The following BPIFB1 variants were observed in gnomAD, a reference collection of about 807,000 sequenced individuals.
The protein encoded by BPIFB1 is BPI fold-containing family B member 1.
In BPIFB1, 34 loss-of-function variants were observed where a neutral mutation model predicts 55.1. That is an observed-to-expected ratio of 0.62 (90% CI 0.47 to 0.82). The LOEUF (loss-of-function observed/expected upper bound fraction) is 0.82. BPIFB1 is among the 40% of genes least tolerant of loss of function. The pLI, the probability that BPIFB1 is intolerant of heterozygous loss-of-function variation, is 0.00. For missense variants in BPIFB1, 532 were observed against 593.1 expected (o/e 0.90, Z 1.07); for synonymous variants, 236 against 245.3 (o/e 0.96, Z 0.35).
At chr20:33,295,511 C>T (rs1194589005) in intron 6 of BPIFB1, among the ~76,000 whole-genome samples, 1 of 151,576 alleles carries the variant, frequency 6.6e-6, no homozygotes, top group Non-Finnish European at 1.5e-5. Context: ...GAGGATGAGG[C>T]AGGAGAATCA....
chr20:33,285,726 A>AG (rs1174703119), intron 1 of BPIFB1, among the ~76,000 whole-genome samples: 1 of 149,720 alleles, frequency 6.7e-6, no homozygotes, highest in African/African-American at 2.5e-5. Context: ...TCAAAAAAAA[A>AG]AAAAAAGAAA....
intron 13 of BPIFB1, among the ~76,000 whole-genome samples, chr20:33,305,605 C>T (rs1980998403): frequency 6.6e-6 from 1 of 152,154 alleles, no homozygotes; most frequent in South Asian, 2.1e-4. Context: ...GCATGAGCCA[C>T]CATGCCCGGT....
At chr20:33,291,362 G>C (rs1980467066) in intron 5 of BPIFB1, among the ~76,000 whole-genome samples, 1 of 152,192 alleles carries the variant, frequency 6.6e-6, no homozygotes, top group South Asian at 2.1e-4. Context: ...TGAAGGGGGA[G>C]GCCTAGAAAC....
In BPIFB1 at chr20:33,309,846, T is replaced by C; in HGVS notation, c.*79T>C. On this transcript the variant is annotated 3_prime_UTR_variant, in exon 16 of 16. Transcript: ENST00000253354. This position sits in a 1 kb window ranked among gnomAD's most constrained non-coding sequence, Gnocchi z 4.4. ...GTGAGCTCTATAGACCATCCCTCTC[T>C]GCAATCAATAAACACTTGCCTGTGA... is the stretch of plus-strand genomic sequence containing the variant. 7.6e-7 allele frequency: 1 copy of C among 1,315,338 alleles called. No homozygotes were observed. Among genetic ancestry groups the C allele is most frequent in the African/African-American group, 1.5e-5 (1 of 68,028 alleles). 81.5% of individuals were successfully genotyped at this position (1,315,338 alleles called of 1,614,324 possible).
chr20:33,291,613 A>T (rs1409386151), intron 5 of BPIFB1, among the ~76,000 whole-genome samples: 1 of 152,092 alleles, frequency 6.6e-6, no homozygotes, highest in East Asian at 1.9e-4. Flanking sequence ...GTGCCAAAAA[A>T]CATGGCGCCC....
At chr20:33,302,331 G>T in intron 9 of BPIFB1, 28 bp from the exon 10 acceptor site, 2 of 1,613,252 alleles carry the variant, frequency 1.2e-6, no homozygotes, top group South Asian at 2.2e-5. Flanking sequence ...CCCTCCAACT[G>T]ACCTTCTCTG....
At chr20:33,299,198 G>GAGGAC in intron 7 of BPIFB1, 1 of 456,594 alleles carries the variant, frequency 2.2e-6, no homozygotes, top group Non-Finnish European at 4.4e-6. Flanking sequence ...CCGCTGCCCC[G>GAGGAC]AGGACGGGCC....
chr20:33,304,384 T>G (rs1980951328), intron 12 of BPIFB1, among the ~76,000 whole-genome samples: 1 of 152,126 alleles, frequency 6.6e-6, no homozygotes, highest in Non-Finnish European at 1.5e-5. Context: ...CCAGAGTGAG[T>G]GCAGGGGCTG....
chr20:33,289,371 G>T (rs1453864451), intron 3 of BPIFB1, among the ~76,000 whole-genome samples: 3 of 127,576 alleles, frequency 2.4e-5, no homozygotes, highest in East Asian at 5.2e-4. Context: ...ACAAGAGTGA[G>T]ATTCTGTCTC....
intron 13 of BPIFB1, 150 bp downstream of exon 13, chr20:33,305,041 C>G: frequency 1.2e-6 from 1 of 823,192 alleles, no homozygotes. Context: ...TCCAACTTCC[C>G]TCGAGTGTTT....
Position 33,288,727 on chromosome 20 carries a change from G to C in BPIFB1, c.116-14G>C. ...CCCTCCTCCTGGGCCCTAATCCCTGGGGTCTGCCTCCAGAGCTGACACAGG... is the reference window on the plus strand; with the variant it reads ...CCCTCCTCCTGGGCCCTAATCCCTGCGGTCTGCCTCCAGAGCTGACACAGG... On this transcript the variant is annotated splice_polypyrimidine_tract_variant and intron_variant, in intron 2 of 15. Coordinates refer to ENST00000253354, the MANE Select transcript of BPIFB1 (RefSeq NM_033197.3). The C allele has an allele frequency of 6.2e-7, 1 of 1,611,894 alleles. No homozygotes were observed.
At position 33,286,238 on chromosome 20, in the gene BPIFB1, G is replaced by A. The variant is rs1325213020; in HGVS notation, c.115+50G>A. 5.9e-6 allele frequency: 9 copies of A among 1,525,736 alleles called. 1 individual carries two copies. Among genetic ancestry groups the A allele is most frequent in the Admixed American group, 3.4e-5 (2 of 59,074 alleles). 94.5% of individuals were successfully genotyped at this position (1,525,736 alleles called of 1,614,324 possible). On this transcript the variant is annotated intron_variant, in intron 2 of 15. Transcript: ENST00000253354. ...GCTGCCATAAGACAAGGGGGTAGGT[G>A]GAGCAGCTTCCCAAAGGAGGGAGAG...
At chr20:33,290,245 A>G (rs1372573273) in intron 4 of BPIFB1, among the ~76,000 whole-genome samples, 1 of 152,114 alleles carries the variant, frequency 6.6e-6, no homozygotes, top group African/African-American at 2.4e-5. Context: ...CTCTTGGGAG[A>G]AGATAAGGAC....
chr20:33,303,240 T>C (rs1333295132), intron 11 of BPIFB1, among the ~76,000 whole-genome samples, 166 bp downstream of exon 11: 1 of 152,144 alleles, frequency 6.6e-6, no homozygotes, highest in East Asian at 1.9e-4. Flanking sequence ...TGGGTCCAAT[T>C]CTAACCCTGT....
chr20:33,307,210 G>A (rs1055055196), intron 15 of BPIFB1: 3 of 523,210 alleles, frequency 5.7e-6, no homozygotes, highest in African/African-American at 1.9e-5. Flanking sequence ...CCACCCCCTT[G>A]TCATTCATTC....
intron 2 of BPIFB1, among the ~76,000 whole-genome samples, chr20:33,286,835 C>A (rs1000663855): frequency 6.6e-6 from 1 of 152,204 alleles, no homozygotes; most frequent in Non-Finnish European, 1.5e-5. Flanking sequence ...ACTGTGACAA[C>A]CAAAAAGGTC....
At chr20:33,300,365 G>A (rs1980806680) in intron 8 of BPIFB1, among the ~76,000 whole-genome samples, 1 of 152,298 alleles carries the variant, frequency 6.6e-6, no homozygotes, top group East Asian at 1.9e-4. Flanking sequence ...GTGACTTTGG[G>A]CAAGTTCCTT....
chr20:33,301,340 T>G lies in BPIFB1; in HGVS notation c.855T>G (p.Ser285Arg), dbSNP rs549976077. 3.8e-5 allele frequency: 61 copies of G among 1,613,956 alleles called. No homozygotes were observed. In the Admixed American group the frequency reaches 1.0e-3, roughly 26 times the overall value. ...LDNIPFSLIV[S>R]QDVVKAAVAA... ...ACATCCCGTTCAGCCTCATCGTGAG[T>G]CAGGACGTGGTGAAAGCTGCAGTGG... Residue 285 changes from serine to arginine, a missense_variant, in exon 9 of 16, where the codon AGT becomes AGG. By Grantham distance (110) the Ser-to-Arg change is moderately radical (BLOSUM62 -1). Transcript: ENST00000253354.
intron 2 of BPIFB1, among the ~76,000 whole-genome samples, chr20:33,288,402 C>G (rs890325736): frequency 2.0e-5 from 3 of 152,170 alleles, no homozygotes; most frequent in African/African-American, 4.8e-5. Flanking sequence ...TGCCTGTTGG[C>G]CCTAGAAATG....
Sources: allele counts gnomAD v4.1 joint callset (sites outside exome capture counted in the v4.1 genomes callset), GRCh38; gene constraint gnomAD v4.1.1; non-coding constraint Gnocchi (gnomAD v3.1); transcripts MANE v1.5; gene names NCBI Gene and HGNC (gene_info 2026-07-23, HGNC 2026-07-21).